DENND1A: variants seen among roughly 807,000 people sequenced by gnomAD.
DENND1A encodes DENN domain-containing protein 1A.
Under a neutral mutation model 113.7 loss-of-function variants are expected in DENND1A, and 51 were observed. The observed-to-expected ratio is 0.45, with a 90% CI of 0.36 to 0.57. The LOEUF (loss-of-function observed/expected upper bound fraction) is 0.57, where lower values mean the gene tolerates loss of function less well. Ranked by LOEUF, DENND1A falls within the 20% of genes least tolerant of loss-of-function variation. DENND1A has a pLI of 0.00. For missense variants in DENND1A, 1,258 were observed against 1,395.9 expected (o/e 0.90, Z 1.57); for synonymous variants, 565 against 570.8 (o/e 0.99, Z 0.14).
chr9:123,653,223 A>T (rs2062751003), intron 8 of DENND1A, among the ~76,000 whole-genome samples: 2 of 152,236 alleles, frequency 1.3e-5, no homozygotes. Flanking sequence ...GTTTGACTGA[A>T]GTACCAAGTT....
intron 5 of DENND1A, among the ~76,000 whole-genome samples, chr9:123,728,479 C>CAGAAAA (rs2067884144): frequency 4.0e-5 from 1 of 25,182 alleles, no homozygotes; most frequent in Non-Finnish European, 7.1e-5. Context: ...CTCTGTCTCC[C>CAGAAAA]AAAAAAAAAA....
At chr9:123,675,105 A>G (rs887875093) in intron 6 of DENND1A, among the ~76,000 whole-genome samples, 2 of 152,130 alleles carry the variant, frequency 1.3e-5, no homozygotes, top group Non-Finnish European at 2.9e-5. Context: ...GCTTCTTTTC[A>G]CAGTGAGTGT....
chr9:123,879,168 T>C (rs1847956880), intron 1 of DENND1A, 147 bp from the exon 2 acceptor site: 4 of 691,072 alleles, frequency 5.8e-6, no homozygotes, highest in Non-Finnish European at 9.6e-6. Context: ...ACACTATTTC[T>C]CTGAGACCAT....
intron 5 of DENND1A, among the ~76,000 whole-genome samples, chr9:123,683,587 C>T (rs906541297): frequency 5.9e-5 from 9 of 152,284 alleles, no homozygotes; most frequent in Admixed American, 2.0e-4. Context: ...ACCTTTTCCT[C>T]ATTTTTACTA....
chr9:123,810,283 C>T (rs1391622265), intron 2 of DENND1A, among the ~76,000 whole-genome samples: 1 of 152,142 alleles, frequency 6.6e-6, no homozygotes, highest in African/African-American at 2.4e-5. Flanking sequence ...CTGGGTGGAA[C>T]TCCTCAGGCT....
At chr9:123,847,921 G>A (rs752749434) in intron 2 of DENND1A, among the ~76,000 whole-genome samples, 16 of 152,024 alleles carry the variant, frequency 1.1e-4, no homozygotes, top group Admixed American at 3.3e-4. Context: ...GCGACAGAGC[G>A]AGACTTCATC....
chr9:123,499,208 A>G (rs2052241859), intron 13 of DENND1A, among the ~76,000 whole-genome samples: 1 of 150,968 alleles, frequency 6.6e-6, no homozygotes, highest in Non-Finnish European at 1.5e-5. Flanking sequence ...TACTTTTTGT[A>G]TTTTTAGTAG....
intron 13 of DENND1A, among the ~76,000 whole-genome samples, chr9:123,476,453 A>G (rs1454308738): frequency 6.6e-6 from 1 of 152,084 alleles, no homozygotes; most frequent in Non-Finnish European, 1.5e-5. Flanking sequence ...CTTCCTGAGC[A>G]TGCTCCTTCC....
Position 123,457,337 on chromosome 9 carries a change from T to G in DENND1A, c.1186+11A>C. The G allele has an allele frequency of 1.9e-6, 3 of 1,609,962 alleles. No homozygotes were observed. Among genetic ancestry groups the G allele is most frequent in the Non-Finnish European group, 2.6e-6 (3 of 1,176,322 alleles). ...CCTGCAGCCCCGGAAGGAAAATGAG[T>G]TGCTTCTCACCAGCGTACTCGCCCA... On this transcript the variant is annotated intron_variant, in intron 15 of 23. Coordinates refer to ENST00000394215, the MANE Select transcript of DENND1A (RefSeq NM_001352964.2).
chr9:123,497,572 C>T (rs1418119469), intron 13 of DENND1A, among the ~76,000 whole-genome samples: 3 of 152,194 alleles, frequency 2.0e-5, no homozygotes, highest in Non-Finnish European at 4.4e-5. Context: ...ATCCTCCTGC[C>T]TCAGCTTCCC....
intron 2 of DENND1A, among the ~76,000 whole-genome samples, chr9:123,813,841 A>G (rs916076679): frequency 2.0e-5 from 3 of 152,168 alleles, no homozygotes; most frequent in Non-Finnish European, 4.4e-5. Context: ...AAAATTCACA[A>G]TCTCACATCA....
At chr9:123,510,358 AATAGAATGAT>A (rs1554849022) in intron 13 of DENND1A, among the ~76,000 whole-genome samples, 2 of 152,268 alleles carry the variant, frequency 1.3e-5, no homozygotes, top group Non-Finnish European at 2.9e-5. Context: ...GGAAATACAC[AATAGAATGAT>A]CAGTGTGAGC....
chr9:123,503,276 C>T (rs193272054), intron 13 of DENND1A, among the ~76,000 whole-genome samples: 12 of 152,268 alleles, frequency 7.9e-5, no homozygotes, highest in Middle Eastern at 6.8e-3. Flanking sequence ...TCTCCTTATT[C>T]ATCAAAGTGG....
chr9:123,747,046 T>C (rs146716404), intron 5 of DENND1A, among the ~76,000 whole-genome samples: 8 of 152,186 alleles, frequency 5.3e-5, no homozygotes, highest in Non-Finnish European at 7.4e-5. Flanking sequence ...GCAGTGTTTT[T>C]TTGTTTTTTA....
At chr9:123,411,874 G>A in intron 19 of DENND1A, 45 bp from the exon 20 acceptor site, 1 of 982,584 alleles carries the variant, frequency 1.0e-6, no homozygotes, top group Non-Finnish European at 1.2e-6. Context: ...CACTGAGAAG[G>A]CTCAATGCAT....
At chr9:123,800,794 T>C (rs908746071) in intron 2 of DENND1A, among the ~76,000 whole-genome samples, 8 of 152,218 alleles carry the variant, frequency 5.3e-5, no homozygotes, top group African/African-American at 1.9e-4. Flanking sequence ...TGAATTCATA[T>C]TAAAAACTTA....
chr9:123,635,910 A>G (rs1014639861), intron 9 of DENND1A, among the ~76,000 whole-genome samples: 4 of 152,244 alleles, frequency 2.6e-5, no homozygotes, highest in Middle Eastern at 3.4e-3. Flanking sequence ...CTAGGTCTCA[A>G]TTTGTCCTGT....
Position 123,630,377 on chromosome 9 carries a change from A to G in DENND1A, c.718T>C (p.Cys240Arg). The change falls in exon 10 of 24, where the codon TGT becomes CGT. Residue 240 changes from cysteine to arginine, a missense_variant and splice_region_variant. By Grantham distance (180) the Cys-to-Arg change is radical. This residue lies in a region of DENND1A where 1,159 missense variants were observed against 1,231.7 expected (regional missense o/e 0.94). Coordinates refer to ENST00000394215, the MANE Select transcript of DENND1A (RefSeq NM_001352964.2). ...VLPPHLLDYC[C>R]APMPYLIGIH... ...AGAGGACAGGGCCAGCCACCTTACCAGCAGTAGTCCAGCAGATGCGGCGGC... is the reference window on the plus strand; with the variant it reads ...AGAGGACAGGGCCAGCCACCTTACCGGCAGTAGTCCAGCAGATGCGGCGGC... The G allele has an allele frequency of 6.3e-7, 1 of 1,591,548 alleles. No homozygotes were observed. The highest frequency in any genetic ancestry group is 8.6e-7 in the Non-Finnish European group (1 of 1,165,822).
intron 2 of DENND1A, among the ~76,000 whole-genome samples, chr9:123,873,931 C>T (rs1344924692): frequency 2.0e-5 from 3 of 152,014 alleles, no homozygotes; most frequent in East Asian, 1.9e-4. Context: ...TTAATAGAGA[C>T]GGGGTTTTAC....
Sources: allele counts gnomAD v4.1 joint callset (sites outside exome capture counted in the v4.1 genomes callset), GRCh38; gene constraint gnomAD v4.1.1; regional missense constraint gnomAD v4.1.1; transcripts MANE v1.5; gene names NCBI Gene and HGNC (gene_info 2026-07-23, HGNC 2026-07-21).